The following IQGAP1 variants were observed in gnomAD, a reference collection of about 807,000 sequenced individuals.
The protein encoded by IQGAP1 is IQ motif containing GTPase activating protein 1, also known as ras GTPase-activating-like protein IQGAP1.
Under a neutral mutation model 215.6 loss-of-function variants are expected in IQGAP1, and 66 were observed. The observed-to-expected ratio is 0.31, with a 90% confidence interval of 0.25 to 0.38. The LOEUF is 0.38. Among genes scored for constraint, IQGAP1 ranks in the 10% least tolerant of loss-of-function variants. The pLI is 1.00. For missense variants in IQGAP1, 1,712 were observed against 1,997.1 expected (o/e 0.86, Z 2.72); for synonymous variants, 772 against 728.7 (o/e 1.06, Z -0.96).
At chr15:90,401,221 C>G in intron 2 of IQGAP1, among the ~76,000 whole-genome samples, 1 of 151,894 alleles carries the variant, frequency 6.6e-6, no homozygotes, top group Non-Finnish European at 1.5e-5. Context: ...TGTGGTTTGA[C>G]AGTGCGTGAA....
At chr15:90,422,640 G>GTATATATATATGTATATATATA (rs1301336267) in intron 2 of IQGAP1, among the ~76,000 whole-genome samples, 3 of 61,554 alleles carry the variant, frequency 4.9e-5, no homozygotes, top group Admixed American at 2.2e-4. Context: ...ATATATATAT[G>GTATATATATATGTATATATATA]TATATGTATA....
At chr15:90,487,413 G>A in intron 32 of IQGAP1, 82 bp from the exon 33 acceptor site, 1 of 959,356 alleles carries the variant, frequency 1.0e-6, no homozygotes, top group South Asian at 1.4e-5. Flanking sequence ...TGTTTGTGCT[G>A]CTGCTGCTGC....
Position 90,497,350 on chromosome 15 carries a change from CA to C in IQGAP1, c.4860+11del, listed in dbSNP as rs773224026. The C allele has an allele frequency of 6.9e-7, 1 of 1,448,090 alleles. No individual in the cohort carries two copies. Among genetic ancestry groups the C allele is most frequent in the Non-Finnish European group, 9.6e-7 (1 of 1,036,424 alleles). 89.7% of individuals were successfully genotyped at this position (1,448,090 alleles called of 1,614,324 possible). The stretch of plus-strand genomic sequence containing the variant: ...TATGTTACATTATCAGGTGGGTATG[CA>C]CCAGCAGGAACCAAAAACTTTCTGG... On this transcript the variant is annotated intron_variant, in intron 37 of 37. Transcript: ENST00000268182.
chr15:90,395,361 C>T (rs1417987610), intron 2 of IQGAP1, among the ~76,000 whole-genome samples: 1 of 151,602 alleles, frequency 6.6e-6, no homozygotes, highest in Admixed American at 6.6e-5. Context: ...CGCTCTGTCG[C>T]CCGGGCCAGA....
chr15:90,399,242 C>T (rs1041670033), intron 2 of IQGAP1, among the ~76,000 whole-genome samples: 1 of 152,070 alleles, frequency 6.6e-6, no homozygotes, highest in African/African-American at 2.4e-5. Context: ...TGAGCAGCCA[C>T]ACCTGGCCTG....
chr15:90,473,847 C>A (rs766809368), intron 20 of IQGAP1, 49 bp downstream of exon 20: 17 of 1,608,448 alleles, frequency 1.1e-5, no homozygotes, highest in Admixed American at 3.3e-5. Context: ...AGGTATAACA[C>A]GTGTTGAGAT....
intron 2 of IQGAP1, among the ~76,000 whole-genome samples, chr15:90,411,629 G>A (rs1964967318): frequency 6.6e-6 from 1 of 152,122 alleles, no homozygotes; most frequent in South Asian, 2.1e-4. Context: ...CTCAAGAGCT[G>A]CTCACAGGTT....
At chr15:90,418,145 A>G (rs574995594) in intron 2 of IQGAP1, among the ~76,000 whole-genome samples, 10 of 152,310 alleles carry the variant, frequency 6.6e-5, no homozygotes, top group African/African-American at 2.2e-4. Context: ...TATACCACTG[A>G]TAAGTGTTCC....
chr15:90,488,133 A>G (rs1380030864), intron 33 of IQGAP1, among the ~76,000 whole-genome samples: 1 of 152,160 alleles, frequency 6.6e-6, no homozygotes, highest in Non-Finnish European at 1.5e-5. Context: ...AGGCAGGAGA[A>G]TGGCATGTAC....
chr15:90,481,352 T>C (rs1188021528), intron 26 of IQGAP1, among the ~76,000 whole-genome samples: 4 of 149,124 alleles, frequency 2.7e-5, no homozygotes, highest in Admixed American at 2.0e-4. Flanking sequence ...TAGCTGGGAA[T>C]GCTAGCATGT....
At chr15:90,458,951 T>C (rs1156900005) in intron 15 of IQGAP1, among the ~76,000 whole-genome samples, 1 of 152,094 alleles carries the variant, frequency 6.6e-6, no homozygotes, top group Non-Finnish European at 1.5e-5. Flanking sequence ...CATCATAATA[T>C]TACCAACATA....
intron 1 of IQGAP1, among the ~76,000 whole-genome samples, 188 bp from the exon 2 acceptor site, chr15:90,390,586 A>G (rs888645882): frequency 6.6e-6 from 1 of 152,228 alleles, no homozygotes; most frequent in Non-Finnish European, 1.5e-5. Flanking sequence ...AAAAAGGTCA[A>G]GATGATTATA....
chr15:90,453,370 T>G, intron 13 of IQGAP1, 78 bp downstream of exon 13: 19 of 1,110,512 alleles, frequency 1.7e-5, no homozygotes, highest in Non-Finnish European at 2.4e-5. Context: ...GCTCCGATTT[T>G]CTTTGCAGGC....
intron 30 of IQGAP1, 152 bp downstream of exon 30, chr15:90,484,504 T>C (rs763224341): frequency 1.4e-5 from 9 of 622,410 alleles, no homozygotes; most frequent in Non-Finnish European, 2.2e-5. Flanking sequence ...TGTTATTCTT[T>C]TTTGTTTATT....
chr15:90,430,290 A>G (rs899123760), intron 4 of IQGAP1, among the ~76,000 whole-genome samples: 1 of 152,222 alleles, frequency 6.6e-6, no homozygotes, highest in African/African-American at 2.4e-5. Context: ...TCTTAGAGAC[A>G]TGAATGGATT....
chr15:90,472,110 A>AT, intron 18 of IQGAP1, among the ~76,000 whole-genome samples: 1 of 152,140 alleles, frequency 6.6e-6, no homozygotes. Context: ...TACAAAAAAT[A>AT]TTTTTTAAAA....
intron 11 of IQGAP1, among the ~76,000 whole-genome samples, chr15:90,450,037 A>G (rs534043494): frequency 6.6e-6 from 1 of 152,288 alleles, no homozygotes; most frequent in African/African-American, 2.4e-5. Context: ...TTTGAACTAT[A>G]CATTATTGTT....
Position 90,482,235 on chromosome 15 carries a change from C to T in IQGAP1, c.3509C>T (p.Ser1170Leu), listed in dbSNP as rs139658864. 90 of 1,614,052 alleles carry T rather than the reference C, an allele frequency of 5.6e-5. No homozygotes were observed. The highest frequency in any genetic ancestry group is 6.3e-5 in the Non-Finnish European group (74 of 1,180,026). Reference sequence around the variant, plus strand: ...TTCATTGCCAAAGTGCTGAAGGACTCGTTGCATGAGAAGTTCCCTGATGCT... The same window carrying T: ...TTCATTGCCAAAGTGCTGAAGGACTTGTTGCATGAGAAGTTCCCTGATGCT... ...MRFIAKVLKDSLHEKFPDAGE... is the reference protein window; with the variant it reads ...MRFIAKVLKDLLHEKFPDAGE... The change falls in exon 28 of 38, where the codon TCG (serine) becomes TTG (leucine). Residue 1170 changes from serine to leucine, a missense_variant. This residue lies in a region of IQGAP1 where 691 missense variants were observed against 923.0 expected (regional missense o/e 0.75). Coordinates refer to ENST00000268182, the MANE Select transcript of IQGAP1 (RefSeq NM_003870.4).
At chr15:90,395,622 C>T (rs1964707803) in intron 2 of IQGAP1, among the ~76,000 whole-genome samples, 1 of 152,068 alleles carries the variant, frequency 6.6e-6, no homozygotes, top group Non-Finnish European at 1.5e-5. Flanking sequence ...GCCCGGCCGG[C>T]TAAAGAGCAG....
Sources: allele counts gnomAD v4.1 joint callset (sites outside exome capture counted in the v4.1 genomes callset), GRCh38; gene constraint gnomAD v4.1.1; regional missense constraint gnomAD v4.1.1; transcripts MANE v1.5; gene names NCBI Gene and HGNC (gene_info 2026-07-23, HGNC 2026-07-21).